Variants in EHMT1 observed in about 807,000 individuals in gnomAD.
EHMT1 encodes histone-lysine N-methyltransferase EHMT1.
In EHMT1, 15 loss-of-function variants were observed where a neutral mutation model predicts 147.2. That is an observed-to-expected ratio of 0.10 (90% CI 0.07 to 0.16). The LOEUF is 0.16. Among genes scored for constraint, EHMT1 ranks in the 10% least tolerant of loss-of-function variants. EHMT1 has a pLI of 1.00. For synonymous variants in EHMT1, 795 were observed against 709.6 expected (o/e 1.12, Z -1.91); for missense variants, 1,587 against 1,772.4 (o/e 0.90, Z 1.88).
intron 2 of EHMT1, 63 bp downstream of exon 2, chr9:137,711,093 C>G: frequency 6.7e-7 from 1 of 1,495,660 alleles, no homozygotes; most frequent in East Asian, 2.5e-5. Context: ...AAACCTGCTG[C>G]TCTTCCTCTC....
intron 4 of EHMT1, among the ~76,000 whole-genome samples, chr9:137,741,878 CT>C (rs1250524306): frequency 6.6e-6 from 1 of 152,214 alleles, no homozygotes; most frequent in East Asian, 1.9e-4. Flanking sequence ...AGCTGAGAGA[CT>C]TGACAGTTAT....
chr9:137,695,151 G>A (rs895477057), intron 1 of EHMT1, among the ~76,000 whole-genome samples: 2 of 152,224 alleles, frequency 1.3e-5, no homozygotes, highest in African/African-American at 4.8e-5. Context: ...ATTACCGGCC[G>A]CCCGGCCCTG....
intron 3 of EHMT1, among the ~76,000 whole-genome samples, chr9:137,726,918 G>C (rs939065879): frequency 6.6e-6 from 1 of 152,142 alleles, no homozygotes; most frequent in Non-Finnish European, 1.5e-5. Flanking sequence ...CCTGATGAGG[G>C]TAAGCATCTT....
chr9:137,650,350 T>C (rs1245052252), intron 1 of EHMT1, among the ~76,000 whole-genome samples: 2 of 151,934 alleles, frequency 1.3e-5, no homozygotes. Flanking sequence ...CTGCTCACCT[T>C]GGCCTCCCAA....
At chr9:137,770,069 T>G (rs1950494526) in intron 10 of EHMT1, among the ~76,000 whole-genome samples, 1 of 152,128 alleles carries the variant, frequency 6.6e-6, no homozygotes, top group Non-Finnish European at 1.5e-5. Flanking sequence ...ACTCCTGAGC[T>G]CAGGTGATCC....
intron 1 of EHMT1, among the ~76,000 whole-genome samples, chr9:137,638,832 G>A (rs943051747): frequency 6.6e-6 from 1 of 152,104 alleles, no homozygotes; most frequent in Non-Finnish European, 1.5e-5. Context: ...TGACTGGGGT[G>A]ATGCTTCCAT....
intron 1 of EHMT1, among the ~76,000 whole-genome samples, chr9:137,677,451 AT>A (rs879742539): frequency 2.0e-5 from 3 of 148,960 alleles, no homozygotes; most frequent in Admixed American, 6.7e-5. Flanking sequence ...GACATTTTTA[AT>A]TTTTTTTTTC....
chr9:137,743,423 A>T lies in EHMT1; in HGVS notation c.876A>T (p.Arg292Ser). 6.2e-7 allele frequency: 1 copy of T among 1,613,000 alleles called. No individual in the cohort carries two copies. The highest frequency in any genetic ancestry group is 8.5e-7 in the Non-Finnish European group (1 of 1,179,914). Reference sequence around the variant, plus strand: ...CAGTATCTCGGAAGAAAAAACGAAGAATGGGAACCTATAGCCTGGTTCCTA... The same window carrying T: ...CAGTATCTCGGAAGAAAAAACGAAGTATGGGAACCTATAGCCTGGTTCCTA... ...AAAVSRKKKRRMGTYSLVPKK... is the reference protein window; with the variant it reads ...AAAVSRKKKRSMGTYSLVPKK... The change falls in exon 5 of 27, where the codon AGA becomes AGT. Residue 292 changes from arginine to serine, a missense_variant. By Grantham distance (110) the Arg-to-Ser change is moderately radical. This residue lies in a region of EHMT1 where 810 missense variants were observed against 673.0 expected (regional missense o/e 1.20). Transcript: ENST00000460843.
chr9:137,705,623 G>A (rs1944200913), intron 1 of EHMT1, among the ~76,000 whole-genome samples: 1 of 152,202 alleles, frequency 6.6e-6, no homozygotes, highest in South Asian at 2.1e-4. Flanking sequence ...GTTTTGCCGT[G>A]CGGGCGCAGA....
chr9:137,677,183 G>T (rs997134522), intron 1 of EHMT1, among the ~76,000 whole-genome samples: 7 of 151,998 alleles, frequency 4.6e-5, no homozygotes, highest in Non-Finnish European at 2.9e-5. Flanking sequence ...GCCCAGGCTG[G>T]ATTGCCGTGA....
At chr9:137,765,169 A>G (rs559831200) in intron 10 of EHMT1, among the ~76,000 whole-genome samples, 108 of 152,336 alleles carry the variant, frequency 7.1e-4, no homozygotes, top group Non-Finnish European at 1.2e-3. Context: ...CCATTCTGTC[A>G]TTCCTCCTGC....
intron 3 of EHMT1, among the ~76,000 whole-genome samples, chr9:137,719,365 C>T (rs1042643069): frequency 1.3e-5 from 2 of 152,028 alleles, no homozygotes; most frequent in African/African-American, 2.4e-5. Flanking sequence ...ACTGCTGGCT[C>T]CTCAGGGGGT....
chr9:137,776,477 C>G lies in EHMT1; in HGVS notation c.1792-141C>G. ...CCTCCTTCTTAACGATGCCTGGGGC[C>G]AAGACTGGACCCCACCCCGACCCAT... On this transcript the variant is annotated intron_variant, in intron 11 of 26. Coordinates refer to ENST00000460843, the MANE Select transcript of EHMT1 (RefSeq NM_024757.5). The surrounding 1 kb of genome is among the most constrained non-coding windows in gnomAD (Gnocchi z 4.4). 1.3e-6 allele frequency: 1 copy of G among 765,222 alleles called. No homozygotes were observed. Among genetic ancestry groups the G allele is most frequent in the Non-Finnish European group, 2.2e-6 (1 of 455,570 alleles). 47.4% of individuals were successfully genotyped at this position (765,222 alleles called of 1,614,324 possible).
At chr9:137,636,929 G>A (rs1464767261) in intron 1 of EHMT1, among the ~76,000 whole-genome samples, 2 of 131,756 alleles carry the variant, frequency 1.5e-5, no homozygotes, top group African/African-American at 2.9e-5. Flanking sequence ...ACAGAGTTTC[G>A]CTCTGTCGCC....
At position 137,787,588 on chromosome 9, in the gene EHMT1, A is replaced by T. The variant is rs1461926785; in HGVS notation, c.2383-3260A>T. 25 of 484,792 alleles carry T rather than the reference A, an allele frequency of 5.2e-5. 1 individual carries two copies. Among genetic ancestry groups the T allele is most frequent in the Non-Finnish European group, 5.6e-5 (15 of 266,400 alleles). The allele number at this position is 484,792 out of a possible 1,614,324, so 30.0% of individuals were successfully genotyped here. On this transcript the variant is annotated intron_variant, in intron 15 of 26. Transcript: ENST00000460843. This position sits in a 1 kb window ranked among gnomAD's most constrained non-coding sequence, Gnocchi z 4.2. ...TGTTTCGAGGCTGCTGTGGTCGCAG[A>T]CAACCGCCTCGCCTTGGCTCCCTGG...
At chr9:137,825,208 T>G (rs1386550480) in intron 25 of EHMT1, among the ~76,000 whole-genome samples, 1 of 152,168 alleles carries the variant, frequency 6.6e-6, no homozygotes, top group East Asian at 1.9e-4. Flanking sequence ...CTTCCTCACA[T>G]TCTGTGGGCC....
At position 137,790,850 on chromosome 9, in the gene EHMT1, G is replaced by A. The variant is rs1425514936; in HGVS notation, c.2385G>A (p.Ala795=). 6.2e-7 allele frequency: 1 copy of A among 1,613,992 alleles called. No homozygotes were observed. The highest frequency in any genetic ancestry group is 8.5e-7 in the Non-Finnish European group (1 of 1,180,026). The change falls in exon 16 of 27, where the codon GCG becomes GCA. Residue 795 remains alanine, a splice_region_variant and synonymous_variant. Transcript: ENST00000460843. The part of the protein sequence containing the change: ...HVDICHMLVQ[A]GANIDTCSED... ...CACCTGAACTGTTGTTTCACTAGGC[G>A]GGCGCTAATATTGACACCTGCTCAG...
Position 137,711,042 on chromosome 9 carries a change from G to C in EHMT1, c.85+12G>C. 1 of 1,584,440 alleles carries C rather than the reference G, an allele frequency of 6.3e-7. No homozygotes were observed. The highest frequency in any genetic ancestry group is 8.6e-7 in the Non-Finnish European group (1 of 1,166,132). On this transcript the variant is annotated intron_variant, in intron 2 of 26. Transcript: ENST00000460843. ...GCTGCTGGGAGAAGGTGAGGGCGGT[G>C]TGCACCGAGGGACAGGAGCAGCGCC...
At chr9:137,774,489 G>A (rs1230378737) in intron 10 of EHMT1, among the ~76,000 whole-genome samples, 11 of 140,848 alleles carry the variant, frequency 7.8e-5, no homozygotes, top group Non-Finnish European at 1.4e-4. Context: ...CCTGGATCTG[G>A]TGGGTATGGT....
Sources: gnomAD v4.1 joint callset for allele counts (sites outside exome capture counted in the v4.1 genomes callset) on GRCh38, gnomAD v4.1.1 for gene constraint, gnomAD v4.1.1 regional missense constraint, Gnocchi (gnomAD v3.1) non-coding constraint, MANE v1.5 for transcripts, NCBI Gene and HGNC (gene_info 2026-07-23, HGNC 2026-07-21) for gene names.